Variants in N4BP2L2 observed in about 807,000 individuals in gnomAD.
N4BP2L2 encodes the protein NEDD4-binding protein 2-like 2.
N4BP2L2 carries 50 observed loss-of-function variants against 56.2 expected under a neutral mutation model. The ratio of observed to expected loss-of-function variants is 0.89; its 90% confidence interval spans 0.71 to 1.13. The LOEUF is 1.13. N4BP2L2 is among the 50% of genes most tolerant of loss of function. N4BP2L2 has a pLI of 0.00. For synonymous variants in N4BP2L2, 203 were observed against 223.6 expected, an observed-to-expected ratio of 0.91 and a Z score of 0.82; for missense variants, 689 against 693.8, an observed-to-expected ratio of 0.99 and a Z score of 0.08.
intron 6 of N4BP2L2, among the ~76,000 whole-genome samples, chr13:32,462,043 C>G (rs1053025848): frequency 6.6e-6 from 1 of 152,182 alleles, no homozygotes; most frequent in African/African-American, 2.4e-5. Context: ...ATATTTCTCA[C>G]AGAACTAAAA....
rs542424418 is a variant in N4BP2L2 at position 32,459,499 on chromosome 13, C to A, written c.366-15373G>T. 2.5e-3 allele frequency among the ~76,000 whole-genome samples: 373 copies of A among 152,106 alleles called. 2 individuals carry two copies. The highest frequency in any genetic ancestry group is 8.1e-3 in the African/African-American group (338 of 41,512). ...GATCATCATAGACTGTTATGAAAAA[C>A]TATATGCTAACAAAGTAGAAATTCC... On this transcript the variant is annotated intron_variant, in intron 6 of 9. Coordinates refer to the N4BP2L2 transcript ENST00000357505.
At chr13:32,478,959 A>C (rs1022072925) in intron 6 of N4BP2L2, 8 of 152,036 alleles carry the variant, frequency 5.3e-5, no homozygotes, top group African/African-American at 1.9e-4. Flanking sequence ...GTGAAACGCT[A>C]TCTCTACTAA....
At chr13:32,514,430 T>C (rs2048762136) in exon 6 of N4BP2L2, 1 of 152,208 alleles carries the variant, frequency 6.6e-6, no homozygotes, top group Admixed American at 6.5e-5. Flanking sequence ...TTAACTAAGA[T>C]GTACTCCATC....
intron 2 of N4BP2L2, among the ~76,000 whole-genome samples, chr13:32,532,583 CTTTT>C (rs1243645488): frequency 1.4e-5 from 2 of 140,532 alleles, no homozygotes; most frequent in Non-Finnish European, 3.0e-5. Flanking sequence ...ATTCTCTTTT[CTTTT>C]TTCTTTTTTT....
Position 32,494,559 on chromosome 13 carries a change from C to T in N4BP2L2, c.365+23298G>A, listed in dbSNP as rs535147476. 8.6e-4 allele frequency among the ~76,000 whole-genome samples: 130 copies of T among 151,948 alleles called. 4 individuals are homozygous for T. In the East Asian group the frequency reaches 0.02, roughly 24 times the overall value. On this transcript the variant is annotated intron_variant, in intron 6 of 9. Transcript: ENST00000357505. ...CGTGCAGATCACGAGGTCAGGAGAT[C>T]GAGACCATCCTGGCTAACACGGTGA...
intron 6 of N4BP2L2, among the ~76,000 whole-genome samples, chr13:32,497,901 C>T (rs2139482728): frequency 6.6e-6 from 1 of 152,222 alleles, no homozygotes; most frequent in Non-Finnish European, 1.5e-5. Context: ...ATACTGATGC[C>T]AGTCCATGAA....
At chr13:32,456,521 G>A (rs2079011383) in intron 6 of N4BP2L2, among the ~76,000 whole-genome samples, 1 of 152,198 alleles carries the variant, frequency 6.6e-6, no homozygotes, top group Non-Finnish European at 1.5e-5. Context: ...TTCAGCAATA[G>A]ATTCCAGTGG....
At chr13:32,433,822 T>C (rs2075116722) in intron 9 of N4BP2L2, among the ~76,000 whole-genome samples, 1 of 147,126 alleles carries the variant, frequency 6.8e-6, no homozygotes, top group South Asian at 2.1e-4. Context: ...TTCCAGCTAC[T>C]TGGGAGGCTG....
chr13:32,481,873 G>C (rs1291195901), intron 6 of N4BP2L2, among the ~76,000 whole-genome samples: 1 of 152,072 alleles, frequency 6.6e-6, no homozygotes, highest in Non-Finnish European at 1.5e-5. Context: ...CTAGCCTTGG[G>C]AACTAGACGC....
intron 6 of N4BP2L2, among the ~76,000 whole-genome samples, chr13:32,450,272 T>G (rs1272394418): frequency 2.6e-5 from 4 of 151,762 alleles, no homozygotes; most frequent in Non-Finnish European, 5.9e-5. Flanking sequence ...GGTAGAAAAA[T>G]TATAATGGAA....
chr13:32,433,224 C>T (rs1397294968), intron 9 of N4BP2L2, among the ~76,000 whole-genome samples: 1 of 152,024 alleles, frequency 6.6e-6, no homozygotes, highest in Non-Finnish European at 1.5e-5. Flanking sequence ...ATGTACATTA[C>T]AAAAAATTAA....
At chr13:32,514,275 C>A (rs74047039) in exon 6 of N4BP2L2, 73 of 152,204 alleles carry the variant, frequency 4.8e-4, no homozygotes, top group African/African-American at 1.6e-3. Context: ...AATTACCACA[C>A]AAGAATTTTC....
intron 8 of N4BP2L2, among the ~76,000 whole-genome samples, chr13:32,437,837 T>C (rs1372845469): frequency 6.6e-6 from 1 of 152,204 alleles, no homozygotes. Flanking sequence ...TCCACAAAGT[T>C]AGGGAATTAA....
intron 6 of N4BP2L2, chr13:32,444,192 C>T: frequency 8.2e-7 from 1 of 1,212,718 alleles, no homozygotes; most frequent in Non-Finnish European, 1.1e-6. Context: ...CAAACTATAA[C>T]ATCATACTCT....
intron 6 of N4BP2L2, among the ~76,000 whole-genome samples, chr13:32,452,712 A>C (rs1292393322): frequency 2.0e-5 from 3 of 152,222 alleles, no homozygotes; most frequent in East Asian, 3.8e-4. Context: ...AATAACACAC[A>C]CAACTCTTAG....
chr13:32,480,727 CT>C (rs1194453761), intron 6 of N4BP2L2: 3 of 692,570 alleles, frequency 4.3e-6, no homozygotes, highest in Non-Finnish European at 6.4e-6. Flanking sequence ...AACTGTGCTA[CT>C]ACTATTTTCA....
At chr13:32,465,880 C>T (rs2081135489) in intron 6 of N4BP2L2, among the ~76,000 whole-genome samples, 1 of 152,184 alleles carries the variant, frequency 6.6e-6, no homozygotes, top group Admixed American at 6.5e-5. Context: ...TCTCGAACTC[C>T]TGACCTCATG....
chr13:32,519,874 TA>T (rs1341326618), intron 5 of N4BP2L2, among the ~76,000 whole-genome samples: 1 of 152,226 alleles, frequency 6.6e-6, no homozygotes, highest in African/African-American at 2.4e-5. Context: ...TAATAAATTT[TA>T]ACAATTCCTC....
chr13:32,452,571 C>T (rs1421053638), intron 6 of N4BP2L2, among the ~76,000 whole-genome samples: 1 of 152,138 alleles, frequency 6.6e-6, no homozygotes. Flanking sequence ...CTAGACTATC[C>T]ATTAATATAA....
Sources: allele counts gnomAD v4.1 joint callset (sites outside exome capture counted in the v4.1 genomes callset), GRCh38; gene constraint gnomAD v4.1.1; transcripts MANE v1.5; gene names NCBI Gene and HGNC (gene_info 2026-07-23, HGNC 2026-07-21).